Variants in RIPK4 observed in about 807,000 individuals in gnomAD.
RIPK4 encodes the protein receptor-interacting serine/threonine-protein kinase 4.
RIPK4 carries 17 observed loss-of-function variants against 42.9 expected under a neutral mutation model. The ratio of observed to expected loss-of-function variants is 0.40; its 90% CI spans 0.27 to 0.59. The LOEUF (loss-of-function observed/expected upper bound fraction) is 0.59. Among genes scored for constraint, RIPK4 ranks in the 20% least tolerant of loss-of-function variants. RIPK4 has a pLI of 0.47. For synonymous variants in RIPK4, 498 were observed against 499.1 expected (o/e 1.00, Z 0.03); for missense variants, 897 against 1,104.4 (o/e 0.81, Z 2.66).
At position 41,742,287 on chromosome 21, in the gene RIPK4, T is replaced by C. The variant is rs561736852; in HGVS notation, c.1196-290A>G. 2.6e-5 allele frequency among the ~76,000 whole-genome samples: 4 copies of C among 152,312 alleles called. No homozygotes were observed. Among genetic ancestry groups the C allele is most frequent in the African/African-American group, 9.6e-5 (4 of 41,560 alleles). On this transcript the variant is annotated intron_variant, in intron 7 of 7. Transcript: ENST00000332512. This position sits in a 1 kb window ranked among gnomAD's most constrained non-coding sequence, Gnocchi z 5.1. ...GGTGAGCCCCCTTGGTGCTTAGAGA[T>C]GGCAGTGACTGCAAACATCCCTTCA...
chr21:41,763,761 A>G (rs2061228032), intron 1 of RIPK4, among the ~76,000 whole-genome samples: 1 of 152,172 alleles, frequency 6.6e-6, no homozygotes, highest in Non-Finnish European at 1.5e-5. Flanking sequence ...CTGTTGTTAC[A>G]AACCTGGGGT....
At chr21:41,757,243 G>A (rs572359241) in intron 1 of RIPK4, among the ~76,000 whole-genome samples, 23 of 152,264 alleles carry the variant, frequency 1.5e-4, no homozygotes, top group African/African-American at 5.5e-4. Context: ...CAACTAGGCC[G>A]GGCACGGTGG....
At position 41,761,219 on chromosome 21, in the gene RIPK4, G is replaced by A. The variant is rs565722124; in HGVS notation, c.183-4403C>T. Among the ~76,000 whole-genome samples the A allele has an allele frequency of 9.2e-5, 14 of 152,264 alleles. No individual in the cohort carries two copies. The East Asian group carries it at 1.2e-3, about 13-fold the overall frequency. ...GTCAAGCATCAGCTAAAATGAAACCGGTCACCAAAGAAGGAAAATGACACC... is the reference window on the plus strand; with the variant it reads ...GTCAAGCATCAGCTAAAATGAAACCAGTCACCAAAGAAGGAAAATGACACC... On this transcript the variant is annotated intron_variant, in intron 1 of 7. Coordinates refer to ENST00000332512, the MANE Select transcript of RIPK4 (RefSeq NM_020639.3).
In RIPK4 at chr21:41,742,051, G is replaced by T; in HGVS notation, c.1196-54C>A. 6.9e-7 allele frequency: 1 copy of T among 1,457,646 alleles called. No homozygotes were observed. The highest frequency in any genetic ancestry group is 1.4e-5 in the African/African-American group (1 of 71,016). 90.3% of individuals were successfully genotyped at this position (1,457,646 alleles called of 1,614,324 possible). ...AGCGTGGCTGCACATCCAGGGACGTGGCGTCTCTGGGAGCCTGGCTGTGGC... is the reference window on the plus strand; with the variant it reads ...AGCGTGGCTGCACATCCAGGGACGTTGCGTCTCTGGGAGCCTGGCTGTGGC... On this transcript the variant is annotated intron_variant, in intron 7 of 7. Coordinates refer to ENST00000332512, the MANE Select transcript of RIPK4 (RefSeq NM_020639.3). The surrounding 1 kb of genome is among the most constrained non-coding windows in gnomAD (Gnocchi z 5.1).
chr21:41,764,236 C>T (rs2061229637), intron 1 of RIPK4, among the ~76,000 whole-genome samples: 1 of 152,204 alleles, frequency 6.6e-6, no homozygotes, highest in Non-Finnish European at 1.5e-5. Context: ...AAGCCCCGAG[C>T]AGGTGCTGTG....
Position 41,741,702 on chromosome 21 carries a change from G to A in RIPK4, c.1491C>T (p.Val497=). The change falls in exon 8 of 8, where the codon GTC becomes GTT. Residue 497 remains valine, a synonymous_variant. Coordinates refer to ENST00000332512, the MANE Select transcript of RIPK4 (RefSeq NM_020639.3). ...VELLLARKIS[V]NAKDEDQWTA... ...TCCACTGGTCCTCATCCTTGGCGTT[G>A]ACACTGATCTTCCGCGCCAGCAGGA... is the stretch of plus-strand genomic sequence containing the variant. 2 of 1,613,684 alleles carry A rather than the reference G, an allele frequency of 1.2e-6. No individual in the cohort carries two copies. The highest frequency in any genetic ancestry group is 1.7e-6 in the Non-Finnish European group (2 of 1,180,026).
rs1168577984 is a variant in RIPK4, at chr21:41,756,517, C to T, written c.474+8G>A. 6.2e-7 allele frequency: 1 copy of T among 1,609,746 alleles called. No individual in the cohort carries two copies. Among genetic ancestry groups the T allele is most frequent in the Non-Finnish European group, 8.5e-7 (1 of 1,178,358 alleles). On this transcript the variant is annotated splice_region_variant and intron_variant, in intron 2 of 7. Coordinates refer to ENST00000332512, the MANE Select transcript of RIPK4 (RefSeq NM_020639.3). ...CCCAGCTCTCTCGGGCACCGTGCGG[C>T]CCCCCACCTTGACGTGGTAGTGGGC... is the stretch of plus-strand genomic sequence containing the variant.
At chr21:41,760,356 G>A (rs2061217039) in intron 1 of RIPK4, among the ~76,000 whole-genome samples, 1 of 152,196 alleles carries the variant, frequency 6.6e-6, no homozygotes, top group Non-Finnish European at 1.5e-5. Flanking sequence ...ACCCTCTAAG[G>A]AAGAAGATGG....
At position 41,744,021 on chromosome 21, in the gene RIPK4, C is replaced by G. The variant is rs2061162538; in HGVS notation, c.1056G>C (p.Glu352Asp). ...TGGACTCAGAGGAGCTGCGGCTGAG[C>G]TCCTCGGGGCCCTCGACAGCCTGGG... ...GVSQAVEGPE[E>D]LSRSSSESKL... Residue 352 changes from glutamate (E) to aspartate (D), a missense_variant, in exon 7 of 8, where the codon GAG becomes GAC. Coordinates refer to ENST00000332512, the MANE Select transcript of RIPK4 (RefSeq NM_020639.3). 1 of 1,613,204 alleles carries G rather than the reference C, an allele frequency of 6.2e-7. No individual in the cohort carries two copies. The highest frequency in any genetic ancestry group is 1.3e-5 in the African/African-American group (1 of 74,902).
In RIPK4 at chr21:41,742,472, C is replaced by A. The variant is rs1385217502; in HGVS notation, c.1196-475G>T. ...GGGGCTGCTCCAGCTCTTGCCCCAC[C>A]TCGAAGTGGCACCTCCTGACCTGGG... is the stretch of plus-strand genomic sequence containing the variant. On this transcript the variant is annotated intron_variant, in intron 7 of 7. Transcript: ENST00000332512. This position sits in a 1 kb window ranked among gnomAD's most constrained non-coding sequence, Gnocchi z 5.1. Among the ~76,000 whole-genome samples, 1 of 152,224 alleles carries A rather than the reference C, an allele frequency of 6.6e-6. No individual in the cohort carries two copies. The highest frequency in any genetic ancestry group is 1.5e-5 in the Non-Finnish European group (1 of 68,034).
rs766512892 is a variant in RIPK4, at chr21:41,741,375, C to T, written c.1818G>A (p.Thr606=). The T allele has an allele frequency of 2.5e-5, 41 of 1,612,150 alleles. No individual in the cohort carries two copies. In the South Asian group the frequency reaches 2.6e-4, roughly 10 times the overall value. ...CGCGCTGTGCGGCCAGGTGCAATGG[C>T]GTCCTCCCATCCAGCGTCTGGGCGT... ...SVNAQTLDGR[T]PLHLAAQRGH... The change falls in exon 8 of 8, where the codon ACG becomes ACA. Residue 606 remains threonine, a synonymous_variant. Transcript: ENST00000332512.
intron 6 of RIPK4, among the ~76,000 whole-genome samples, 155 bp downstream of exon 6, chr21:41,745,604 T>C (rs998495205): frequency 2.0e-5 from 3 of 151,878 alleles, no homozygotes; most frequent in Admixed American, 1.3e-4. Flanking sequence ...TGAGCCCCCA[T>C]GGGACCTACA....
At chr21:41,759,893 A>G (rs1428629737) in intron 1 of RIPK4, among the ~76,000 whole-genome samples, 1 of 152,230 alleles carries the variant, frequency 6.6e-6, no homozygotes, top group Non-Finnish European at 1.5e-5. Flanking sequence ...TACATCGGAC[A>G]GGTACCAAAG....
At chr21:41,743,490 A>G (rs1196009071) in intron 7 of RIPK4, among the ~76,000 whole-genome samples, 2 of 152,178 alleles carry the variant, frequency 1.3e-5, no homozygotes, top group African/African-American at 2.4e-5. Context: ...GTGGGTGTGT[A>G]CCCAGCAGCG....
At chr21:41,756,302 C>G (rs1020272152) in intron 2 of RIPK4, among the ~76,000 whole-genome samples, 1 of 152,226 alleles carries the variant, frequency 6.6e-6, no homozygotes, top group Non-Finnish European at 1.5e-5. Flanking sequence ...CACCAAGCTA[C>G]CCTCCAGCTA....
In RIPK4 at chr21:41,741,090, G is replaced by C; in HGVS notation, c.2103C>G (p.Pro701=). 1 of 1,611,972 alleles carries C rather than the reference G, an allele frequency of 6.2e-7. No homozygotes were observed. The highest frequency in any genetic ancestry group is 8.5e-7 in the Non-Finnish European group (1 of 1,179,774). ...CCAGGTGCAGCGCCGTCTGGTTCAG[G>C]GGTCCCCGGGCCAGCACATCGGCCT... The part of the protein sequence containing the change: ...EEKADVLARG[P]LNQTALHLAA... Residue 701 remains proline, a synonymous_variant, in exon 8 of 8, where the codon CCC becomes CCG. Coordinates refer to ENST00000332512, the MANE Select transcript of RIPK4 (RefSeq NM_020639.3).
At chr21:41,745,888 C>A (rs747270065) in intron 5 of RIPK4, 26 bp from the exon 6 acceptor site, 4 of 1,556,874 alleles carry the variant, frequency 2.6e-6, no homozygotes, top group South Asian at 2.2e-5. Context: ...GGGGACATGT[C>A]ACTCGGATGA....
At chr21:41,752,132 G>A (rs376421300) in intron 2 of RIPK4, among the ~76,000 whole-genome samples, 31 of 152,208 alleles carry the variant, frequency 2.0e-4, no homozygotes, top group Non-Finnish European at 4.3e-4. Flanking sequence ...GCTGAAAACC[G>A]TATGTGGGAT....
rs1269011150 is a variant in RIPK4, at chr21:41,739,638, T to C, written c.*1200A>G. On this transcript the variant is annotated 3_prime_UTR_variant, in exon 8 of 8. Transcript: ENST00000332512. ...ACGTTCTGCAACAAACTTATTCTAA[T>C]AACAGTATTCAGAAGGCACCCTATG... is the stretch of plus-strand genomic sequence containing the variant. 1.3e-5 allele frequency: 2 copies of C among 152,218 alleles called. No individual in the cohort carries two copies. The highest frequency in any genetic ancestry group is 2.4e-5 in the African/African-American group (1 of 41,450). 9.4% of individuals were successfully genotyped at this position (152,218 alleles called of 1,614,324 possible). A position where few individuals can be genotyped will look rare whatever the true frequency, so the allele number is the denominator to read the frequency against.
Sources: gnomAD v4.1 joint callset for allele counts (sites outside exome capture counted in the v4.1 genomes callset) on GRCh38, gnomAD v4.1.1 for gene constraint, Gnocchi (gnomAD v3.1) non-coding constraint, MANE v1.5 for transcripts, NCBI Gene and HGNC (gene_info 2026-07-23, HGNC 2026-07-21) for gene names.